DYNC1H1: variants seen among roughly 807,000 people sequenced by gnomAD.
DYNC1H1 encodes the protein dynein cytoplasmic 1 heavy chain 1.
Under a neutral mutation model 527.1 loss-of-function variants are expected in DYNC1H1, and 51 were observed. The observed-to-expected ratio is 0.10, with a 90% CI of 0.08 to 0.12. The LOEUF (loss-of-function observed/expected upper bound fraction) is 0.12. DYNC1H1 is among the 10% of genes least tolerant of loss of function. The probability of loss-of-function intolerance (pLI) is 1.00; values close to 1 mark genes in which losing one functional copy is unlikely to be tolerated. For synonymous variants in DYNC1H1, 2,189 were observed against 2,278.8 expected (o/e 0.96, Z 1.12); for missense variants, 2,771 against 5,971.8 (o/e 0.46, Z 17.66).
In DYNC1H1 at chr14:102,002,886, G is replaced by C; in HGVS notation, c.4804G>C (p.Glu1602Gln). 2 of 1,614,244 alleles carry C rather than the reference G, an allele frequency of 1.2e-6. No individual in the cohort carries two copies. The highest frequency in any genetic ancestry group is 1.7e-6 in the Non-Finnish European group (2 of 1,180,038). The change falls in exon 23 of 78, where the codon GAA (glutamate) becomes CAA (glutamine). Residue 1602 changes from glutamate to glutamine, a missense_variant. This residue lies in a region of DYNC1H1 where 51 missense variants were observed against 189.2 expected (regional missense o/e 0.27). Transcript: ENST00000360184. The surrounding 1 kb of genome is among the most constrained non-coding windows in gnomAD (Gnocchi z 4.4). ...CATCCAGGGAGTACAGAGGTCTCTG[G>C]AAAGATTGGCAGACCTGCTAGGAAA... is the stretch of plus-strand genomic sequence containing the variant. ...LNIQGVQRSL[E>Q]RLADLLGKIQ...
intron 51 of DYNC1H1, 110 bp downstream of exon 51, chr14:102,030,392 G>A: frequency 6.5e-7 from 1 of 1,548,106 alleles, no homozygotes; most frequent in Non-Finnish European, 8.8e-7. Context: ...CAAAGGTTCT[G>A]GTTTCCAAAA....
Position 101,986,959 on chromosome 14 carries a change from G to T in DYNC1H1, c.2538+196G>T, listed in dbSNP as rs963362793. On this transcript the variant is annotated intron_variant, in intron 8 of 77. Transcript: ENST00000360184. This position sits in a 1 kb window ranked among gnomAD's most constrained non-coding sequence, Gnocchi z 8.7. ...TGCTGGGTTTTAGGGAGGCCATTAA[G>T]TAACAACCTGAGTTTAGAAACAGGT... is the stretch of plus-strand genomic sequence containing the variant. Among the ~76,000 whole-genome samples, 18 of 152,244 alleles carry T rather than the reference G, an allele frequency of 1.2e-4. No homozygotes were observed. The highest frequency in any genetic ancestry group is 4.3e-4 in the African/African-American group (18 of 41,466).
intron 34 of DYNC1H1, among the ~76,000 whole-genome samples, chr14:102,014,564 G>T (rs938158420): frequency 6.6e-6 from 1 of 151,562 alleles, no homozygotes; most frequent in Non-Finnish European, 1.5e-5. Context: ...ACGACAGCGT[G>T]CCTGCCTGGT....
chr14:102,013,331 G>A (rs1490810656), intron 34 of DYNC1H1, among the ~76,000 whole-genome samples: 2 of 150,854 alleles, frequency 1.3e-5, no homozygotes, highest in Non-Finnish European at 1.5e-5. Context: ...AAAATGAATA[G>A]TGATTGGTGC....
chr14:102,016,577 C>T lies in DYNC1H1; in HGVS notation c.7614+88C>T, dbSNP rs1022818210. On this transcript the variant is annotated intron_variant, in intron 37 of 77. Coordinates refer to ENST00000360184, the MANE Select transcript of DYNC1H1 (RefSeq NM_001376.5). This position sits in a 1 kb window ranked among gnomAD's most constrained non-coding sequence, Gnocchi z 7.3. ...ACAAGCTGACCATGGACCTTGGCTT[C>T]GTCTTTTCATTTTATTCCATTTCAT... 7 of 1,609,412 alleles carry T rather than the reference C, an allele frequency of 4.3e-6. No individual in the cohort carries two copies. The highest frequency in any genetic ancestry group is 3.3e-5 in the South Asian group (3 of 90,700).
chr14:102,036,825 G>A lies in DYNC1H1; in HGVS notation c.10908+183G>A. 3 of 807,594 alleles carry A rather than the reference G, an allele frequency of 3.7e-6. No individual in the cohort carries two copies. The highest frequency in any genetic ancestry group is 5.8e-6 in the Non-Finnish European group (3 of 519,836). The allele number at this position is 807,594 out of a possible 1,614,324, so 50.0% of individuals were successfully genotyped here. On this transcript the variant is annotated intron_variant, in intron 57 of 77. Transcript: ENST00000360184. The surrounding 1 kb of genome is among the most constrained non-coding windows in gnomAD (Gnocchi z 5.6). ...TTTGCATTTAAAATTCTATTCAGTGGTCGGGCGAGGTGGCTCACACCTGTA... is the reference window on the plus strand; with the variant it reads ...TTTGCATTTAAAATTCTATTCAGTGATCGGGCGAGGTGGCTCACACCTGTA...
Position 101,970,470 on chromosome 14 carries a change from GTTGTTTTTTTTTTTT to G in DYNC1H1, c.257-5239_257-5225del, listed in dbSNP as rs1454864907. The stretch of plus-strand genomic sequence containing the variant: ...GTGGTATTAGTATGTTTGGTTTGTT[GTTGTTTTTTTTTTTT>G]TTTTTTTTTTTTTTTGAGATGGCGT... On this transcript the variant is annotated intron_variant, in intron 1 of 77. Transcript: ENST00000360184. 3.3e-4 allele frequency among the ~76,000 whole-genome samples: 32 copies of G among 96,308 alleles called. No individual in the cohort carries two copies. The East Asian group carries it at 8.4e-3, about 25-fold the overall frequency. The allele number at this position is 96,308 out of a possible 152,430, so 63.2% of individuals were successfully genotyped here.
chr14:102,003,011 G>GTT (rs1448760944), intron 23 of DYNC1H1, 46 bp downstream of exon 23: 4 of 1,612,134 alleles, frequency 2.5e-6, no homozygotes, highest in Middle Eastern at 1.8e-4. Context: ...TTGAATTTCA[G>GTT]TTGTGCATTT....
At chr14:102,021,362 G>A (rs1042282355) in intron 42 of DYNC1H1, among the ~76,000 whole-genome samples, 1 of 152,182 alleles carries the variant, frequency 6.6e-6, no homozygotes, top group African/African-American at 2.4e-5. Flanking sequence ...GAGTGACAGA[G>A]CAAGACCCTG....
chr14:102,050,005 C>T, intron 76 of DYNC1H1, 66 bp from the exon 77 acceptor site: 1 of 1,614,134 alleles, frequency 6.2e-7, no homozygotes, highest in South Asian at 1.1e-5. Flanking sequence ...CTCTGGGCGC[C>T]CTGTGACTGG....
intron 7 of DYNC1H1, among the ~76,000 whole-genome samples, chr14:101,984,401 ATGTGTGTGTGTGTG>A (rs34162363): frequency 3.9e-5 from 4 of 102,446 alleles, no homozygotes; most frequent in African/African-American, 4.6e-5. Flanking sequence ...ATGCGTATAT[ATGTGTGTGTGTGTG>A]TGTGTGTGTG....
rs754027029 is a variant in DYNC1H1 at position 102,036,448 on chromosome 14, A to C, written c.10755-41A>C. ...CTAACCGTGATCCTGTGCTTTCCCC[A>C]TTCGGTGTTTCAACCTTCTCTTCTG... is the stretch of plus-strand genomic sequence containing the variant. On this transcript the variant is annotated intron_variant, in intron 56 of 77. Transcript: ENST00000360184. This position sits in a 1 kb window ranked among gnomAD's most constrained non-coding sequence, Gnocchi z 5.6. The C allele has an allele frequency of 1.2e-6, 2 of 1,611,656 alleles. No homozygotes were observed.
chr14:101,982,375 C>G (rs1289328251), intron 5 of DYNC1H1, among the ~76,000 whole-genome samples: 1 of 152,000 alleles, frequency 6.6e-6, no homozygotes, highest in African/African-American at 2.4e-5. Flanking sequence ...GGGCAGATCA[C>G]GAGGTCAGGA....
At position 101,965,816 on chromosome 14, in the gene DYNC1H1, T is replaced by TA. The variant is rs59444117; in HGVS notation, c.256+884dup. On this transcript the variant is annotated intron_variant, in intron 1 of 77. Coordinates refer to ENST00000360184, the MANE Select transcript of DYNC1H1 (RefSeq NM_001376.5). This position sits in a 1 kb window ranked among gnomAD's most constrained non-coding sequence, Gnocchi z 4.1. ...AATATTTGAGTCTAATTTTACAGAT[T>TA]AAAAAAAAAAAAAAAGATTCAGGTT... Among the ~76,000 whole-genome samples the TA allele has an allele frequency of 1.7e-3, 241 of 140,666 alleles. No homozygotes were observed. Among genetic ancestry groups the TA allele is most frequent in the African/African-American group, 4.0e-3 (155 of 38,656 alleles). 92.3% of individuals were successfully genotyped at this position (140,666 alleles called of 152,430 possible).
intron 74 of DYNC1H1, 149 bp downstream of exon 74, chr14:102,048,818 GCGGGGGGAGGGGAGGA>G: frequency 2.7e-6 from 1 of 369,054 alleles, no homozygotes. Flanking sequence ...CTCAAGGTGG[GCGGGGGGAGGGGAGGA>G]GCTTAGAAAT....
At chr14:101,973,016 A>G (rs976569222) in intron 1 of DYNC1H1, among the ~76,000 whole-genome samples, 7 of 152,038 alleles carry the variant, frequency 4.6e-5, no homozygotes, top group Admixed American at 3.9e-4. Context: ...TGGTCTAGCT[A>G]CATTTGAGTG....
At position 102,042,847 on chromosome 14, in the gene DYNC1H1, G is replaced by A. The variant is rs977754539; in HGVS notation, c.12513+99G>A. 1.5e-5 allele frequency: 20 copies of A among 1,378,108 alleles called. No individual in the cohort carries two copies. Among genetic ancestry groups the A allele is most frequent in the Admixed American group, 9.7e-5 (5 of 51,698 alleles). 85.4% of individuals were successfully genotyped at this position (1,378,108 alleles called of 1,614,324 possible). On this transcript the variant is annotated intron_variant, in intron 69 of 77. Transcript: ENST00000360184. The surrounding 1 kb of genome is among the most constrained non-coding windows in gnomAD (Gnocchi z 5.7). Reference sequence around the variant, plus strand: ...GGGTCCCTGGGCCCCCGGAAGTGCCGTGTGGTGAACTGCACAGCTGCTTTT... The same window carrying A: ...GGGTCCCTGGGCCCCCGGAAGTGCCATGTGGTGAACTGCACAGCTGCTTTT...
chr14:101,965,033 C>G lies in DYNC1H1; in HGVS notation c.256+86C>G. 7.0e-7 allele frequency: 1 copy of G among 1,421,128 alleles called. No homozygotes were observed. The highest frequency in any genetic ancestry group is 2.5e-5 in the East Asian group (1 of 39,774). 88.0% of individuals were successfully genotyped at this position (1,421,128 alleles called of 1,614,324 possible). A position where few individuals can be genotyped will look rare whatever the true frequency, so the allele number is the denominator to read the frequency against. ...AGGTCCTCCGGGGTCGCAGATGTCC[C>G]CGGGATGGGAGGAGCCCGGCAGCTG... On this transcript the variant is annotated intron_variant, in intron 1 of 77. Transcript: ENST00000360184. The surrounding 1 kb of genome is among the most constrained non-coding windows in gnomAD (Gnocchi z 4.1).
intron 2 of DYNC1H1, among the ~76,000 whole-genome samples, chr14:101,978,838 C>T (rs547537246): frequency 3.3e-5 from 5 of 152,216 alleles, no homozygotes; most frequent in South Asian, 4.1e-4. Flanking sequence ...GCACAAAGCA[C>T]GTGATGTGTT....
Sources: allele counts gnomAD v4.1 joint callset (sites outside exome capture counted in the v4.1 genomes callset), GRCh38; gene constraint gnomAD v4.1.1; regional missense constraint gnomAD v4.1.1; non-coding constraint Gnocchi (gnomAD v3.1); transcripts MANE v1.5; gene names NCBI Gene and HGNC (gene_info 2026-07-23, HGNC 2026-07-21).